The following CFAP97 variants were observed in gnomAD, a reference collection of about 807,000 sequenced individuals.
CFAP97 encodes the protein cilia and flagella associated protein 97.
A neutral mutation model predicts 43.1 loss-of-function variants in CFAP97; 36 were observed. The ratio of observed to expected loss-of-function variants is 0.84; its 90% CI spans 0.64 to 1.10. CFAP97 has a LOEUF of 1.10. Among genes scored for constraint, CFAP97 ranks in the 50% least tolerant of loss-of-function variants. The pLI is 0.00. For synonymous variants in CFAP97, 228 were observed against 225.7 expected (o/e 1.01, Z -0.09); for missense variants, 657 against 620.3 (o/e 1.06, Z -0.63).
chr4:185,170,431 C>T (rs1001305838), intron 3 of CFAP97: 32 of 402,920 alleles, frequency 7.9e-5, no homozygotes, highest in Non-Finnish European at 1.1e-4. Flanking sequence ...TTTATTGAGA[C>T]GGAGTTTTGC....
At chr4:185,210,192 G>T, upstream of CFAP97, 20 of 984,780 alleles carry the variant, frequency 2.0e-5, no homozygotes, top group Non-Finnish European at 2.4e-5. The surrounding 1 kb of genome is among the most constrained non-coding windows in gnomAD (Gnocchi z 4.4). Context: ...GCGCCCAGCC[G>T]CCCGACTTCG....
chr4:185,183,809 T>C (rs975031455), intron 2 of CFAP97, among the ~76,000 whole-genome samples: 27 of 152,328 alleles, frequency 1.8e-4, no homozygotes, highest in African/African-American at 6.5e-4. Context: ...TAAAAAGCCC[T>C]GAGCGCCACC....
intron 1 of CFAP97, among the ~76,000 whole-genome samples, chr4:185,194,051 T>C (rs1736427579): frequency 6.6e-6 from 1 of 152,166 alleles, no homozygotes. Context: ...TTTTTGTAAA[T>C]AAAGTTTTAT....
Position 185,195,909 on chromosome 4 carries a change from C to T in CFAP97, c.-16-4697G>A, listed in dbSNP as rs558851412. On this transcript the variant is annotated intron_variant, in intron 1 of 4. Transcript: ENST00000458385. ...ATGTCAAGGAGTGGAATAAAAAGAA[C>T]TGTGGATACCCCACAGTGTAATGGT... Among the ~76,000 whole-genome samples, 55 of 152,318 alleles carry T rather than the reference C, an allele frequency of 3.6e-4. No individual in the cohort carries two copies. The South Asian group carries it at 0.011, about 30-fold the overall frequency.
chr4:185,179,127 G>A (rs1735679578), intron 2 of CFAP97, among the ~76,000 whole-genome samples: 3 of 152,092 alleles, frequency 2.0e-5, no homozygotes, highest in Admixed American at 2.0e-4. Context: ...GATTCTCAAA[G>A]TACTCAAAGA....
At chr4:185,199,012 T>C (rs1361203935) in intron 1 of CFAP97, among the ~76,000 whole-genome samples, 1 of 152,198 alleles carries the variant, frequency 6.6e-6, no homozygotes, top group East Asian at 1.9e-4. Context: ...AGGCTGACTC[T>C]TATTAAGAGC....
chr4:185,194,252 G>A (rs543204846), intron 1 of CFAP97, among the ~76,000 whole-genome samples: 2 of 152,324 alleles, frequency 1.3e-5, no homozygotes, highest in East Asian at 3.9e-4. Context: ...ACTTTGGGAA[G>A]CCGAGGCGGG....
intron 1 of CFAP97, among the ~76,000 whole-genome samples, chr4:185,197,498 G>A (rs945516575): frequency 3.7e-4 from 56 of 151,926 alleles, no homozygotes; most frequent in African/African-American, 1.2e-3. Flanking sequence ...CGTGATCTCG[G>A]CTCACCGCAA....
rs979669146 is a variant in CFAP97, at chr4:185,162,109, C to T, written c.*689G>A. On this transcript the variant is annotated 3_prime_UTR_variant, in exon 5 of 5. Coordinates refer to ENST00000458385, the MANE Select transcript of CFAP97 (RefSeq NM_020827.3). ...GACTTTACCTGAATGCATGAAAACA[C>T]AAAAGGGAAGCTTCTAAGTTGAACT... The T allele has an allele frequency of 6.6e-6, 1 of 152,184 alleles. No individual in the cohort carries two copies. The highest frequency in any genetic ancestry group is 2.4e-5 in the African/African-American group (1 of 41,432). 9.4% of individuals were successfully genotyped at this position (152,184 alleles called of 1,614,324 possible).
intron 2 of CFAP97, among the ~76,000 whole-genome samples, chr4:185,183,110 AAAG>A (rs573277644): frequency 1.6e-4 from 24 of 152,150 alleles, no homozygotes; most frequent in Non-Finnish European, 3.4e-4. Flanking sequence ...AAAAAAAAAA[AAAG>A]GTTCTTTTAA....
intron 1 of CFAP97, among the ~76,000 whole-genome samples, chr4:185,192,275 A>G (rs371646610): frequency 1.3e-5 from 2 of 152,244 alleles, no homozygotes; most frequent in East Asian, 3.8e-4. Flanking sequence ...AAAGGGGAAG[A>G]GTATATATGT....
At chr4:185,193,887 GATAA>G (rs71593607) in intron 1 of CFAP97, among the ~76,000 whole-genome samples, 18 of 147,784 alleles carry the variant, frequency 1.2e-4, no homozygotes, top group South Asian at 1.1e-3. Flanking sequence ...GACTCCATCT[GATAA>G]ATAAATAAAT....
intron 3 of CFAP97, among the ~76,000 whole-genome samples, chr4:185,173,696 A>C (rs1287280774): frequency 6.6e-6 from 1 of 152,192 alleles, no homozygotes; most frequent in Non-Finnish European, 1.5e-5. Flanking sequence ...CCGAATTCAT[A>C]GAGACAGAAA....
At chr4:185,186,144 A>G (rs2111374722) in intron 2 of CFAP97, among the ~76,000 whole-genome samples, 1 of 152,288 alleles carries the variant, frequency 6.6e-6, no homozygotes, top group Middle Eastern at 3.4e-3. Context: ...AGAAACTATT[A>G]CTTGTGGGCC....
chr4:185,167,411 G>A (rs549355778), intron 3 of CFAP97, among the ~76,000 whole-genome samples: 9 of 152,166 alleles, frequency 5.9e-5, no homozygotes, highest in Non-Finnish European at 1.2e-4. Context: ...CTGCAAGTGA[G>A]TCATGATCAC....
chr4:185,208,777 T>C (rs949071564), upstream of CFAP97, among the ~76,000 whole-genome samples: 1 of 152,184 alleles, frequency 6.6e-6, no homozygotes, highest in Admixed American at 6.5e-5. Context: ...TGAATACCAA[T>C]TGATACTAAA....
chr4:185,162,699 C>T lies in CFAP97; in HGVS notation c.*99G>A, dbSNP rs1579223348. 5 of 1,318,254 alleles carry T rather than the reference C, an allele frequency of 3.8e-6. No homozygotes were observed. In the East Asian group the frequency reaches 1.2e-4, roughly 33 times the overall value. 81.7% of individuals were successfully genotyped at this position (1,318,254 alleles called of 1,614,324 possible). A position where few individuals can be genotyped will look rare whatever the true frequency, so the allele number is the denominator to read the frequency against. The stretch of plus-strand genomic sequence containing the variant: ...ACTCACTGTTGTACACCTTCAATTG[C>T]TAAAACGGTATTCTAGATGTTTACA... On this transcript the variant is annotated 3_prime_UTR_variant, in exon 5 of 5. Transcript: ENST00000458385.
chr4:185,187,639 C>T (rs559492746), intron 2 of CFAP97, among the ~76,000 whole-genome samples: 16 of 151,964 alleles, frequency 1.1e-4, no homozygotes, highest in Admixed American at 3.9e-4. Context: ...ACAACAGGAG[C>T]GGCAACAACA....
At chr4:185,172,082 C>T (rs989617575) in intron 3 of CFAP97, among the ~76,000 whole-genome samples, 10 of 152,160 alleles carry the variant, frequency 6.6e-5, no homozygotes, top group Admixed American at 5.9e-4. Context: ...AATTACTCCC[C>T]TTTTTACAAG....
Sources: gnomAD v4.1 joint callset for allele counts (sites outside exome capture counted in the v4.1 genomes callset) on GRCh38, gnomAD v4.1.1 for gene constraint, Gnocchi (gnomAD v3.1) non-coding constraint, MANE v1.5 for transcripts, NCBI Gene and HGNC (gene_info 2026-07-23, HGNC 2026-07-21) for gene names.